SCAPER: variants seen among roughly 807,000 people sequenced by gnomAD.
SCAPER encodes S-phase cyclin A associated protein in the ER, also known as S phase cyclin A-associated protein in the endoplasmic reticulum.
SCAPER carries 98 observed loss-of-function variants against 182.2 expected under a neutral mutation model. The ratio of observed to expected loss-of-function variants is 0.54; its 90% CI spans 0.46 to 0.64. SCAPER has a LOEUF of 0.64. Ranked by LOEUF, SCAPER falls within the 30% of genes least tolerant of loss-of-function variation. The pLI is 0.00. For missense variants in SCAPER, 1,432 were observed against 1,690.0 expected (o/e 0.85, Z 2.68); for synonymous variants, 605 against 564.6 (o/e 1.07, Z -1.01).
intron 21 of SCAPER, among the ~76,000 whole-genome samples, chr15:76,654,274 G>A (rs925008130): frequency 1.3e-5 from 2 of 152,138 alleles, no homozygotes; most frequent in African/African-American, 2.4e-5. Context: ...CGGGCATGGT[G>A]GTGGGCGCCT....
intron 17 of SCAPER, among the ~76,000 whole-genome samples, chr15:76,711,860 G>C (rs2059597382): frequency 6.6e-6 from 1 of 152,074 alleles, no homozygotes; most frequent in Non-Finnish European, 1.5e-5. Flanking sequence ...TGAGTAGGTT[G>C]CAAAAATTTT....
chr15:76,674,154 T>C (rs1453329294), intron 20 of SCAPER, among the ~76,000 whole-genome samples: 1 of 152,120 alleles, frequency 6.6e-6, no homozygotes, highest in African/African-American at 2.4e-5. Context: ...TTACAAATAA[T>C]AAATGAAAAT....
chr15:76,531,953 T>C (rs2043710544), intron 23 of SCAPER, among the ~76,000 whole-genome samples: 1 of 152,214 alleles, frequency 6.6e-6, no homozygotes, highest in African/African-American at 2.4e-5. Context: ...TCTTCTCTGA[T>C]AGAGATGATT....
intron 28 of SCAPER, among the ~76,000 whole-genome samples, chr15:76,377,362 A>T (rs533416489): frequency 4.8e-4 from 72 of 150,536 alleles, no homozygotes; most frequent in Non-Finnish European, 6.4e-4. Flanking sequence ...TGCTCCTTTA[A>T]ATCAAGCAGT....
chr15:76,793,066 G>A (rs1345438231), intron 8 of SCAPER, among the ~76,000 whole-genome samples: 2 of 152,052 alleles, frequency 1.3e-5, no homozygotes, highest in Non-Finnish European at 2.9e-5. Flanking sequence ...TTTTCCTTAA[G>A]TCCAATTTCT....
At chr15:76,779,745 A>T (rs902011448) in intron 8 of SCAPER, among the ~76,000 whole-genome samples, 4 of 152,192 alleles carry the variant, frequency 2.6e-5, no homozygotes, top group African/African-American at 7.2e-5. Context: ...AAAAAAATTA[A>T]ATGACTTACC....
intron 20 of SCAPER, among the ~76,000 whole-genome samples, chr15:76,672,231 G>A (rs1011742485): frequency 4.6e-5 from 7 of 152,180 alleles, no homozygotes; most frequent in Admixed American, 2.6e-4. Context: ...GTATAAGAGG[G>A]ATCTCTATGA....
intron 2 of SCAPER, among the ~76,000 whole-genome samples, chr15:76,869,787 CA>C (rs1465203935): frequency 1.3e-5 from 2 of 152,244 alleles, no homozygotes; most frequent in Middle Eastern, 3.4e-3. Context: ...ACTAATATAT[CA>C]AAAAGTTATC....
intron 22 of SCAPER, among the ~76,000 whole-genome samples, chr15:76,619,416 C>T (rs1324055773): frequency 6.6e-6 from 1 of 152,128 alleles, no homozygotes; most frequent in Non-Finnish European, 1.5e-5. Flanking sequence ...TATGTGGGCA[C>T]ATGCTTTCAT....
At chr15:76,368,658 G>A (rs1244499850) in intron 29 of SCAPER, among the ~76,000 whole-genome samples, 1 of 152,174 alleles carries the variant, frequency 6.6e-6, no homozygotes, top group Non-Finnish European at 1.5e-5. Context: ...CTCAATGGGG[G>A]CAAAGGGGTT....
At chr15:76,353,664 A>T (rs996926100) in intron 30 of SCAPER, among the ~76,000 whole-genome samples, 3 of 152,244 alleles carry the variant, frequency 2.0e-5, no homozygotes, top group African/African-American at 7.2e-5. Context: ...GAAGTCTGGC[A>T]GTCTTTTAAA....
At chr15:76,780,794 T>C (rs570163145) in intron 8 of SCAPER, among the ~76,000 whole-genome samples, 1 of 152,286 alleles carries the variant, frequency 6.6e-6, no homozygotes, top group African/African-American at 2.4e-5. Flanking sequence ...GCTGAGGGAC[T>C]TGACTGTCAG....
At chr15:76,645,691 G>T (rs1321851267) in intron 21 of SCAPER, among the ~76,000 whole-genome samples, 1 of 151,956 alleles carries the variant, frequency 6.6e-6, no homozygotes, top group African/African-American at 2.4e-5. Flanking sequence ...TCATAAAAGG[G>T]TTATTTATAT....
chr15:76,716,977 T>C (rs1285783074), intron 17 of SCAPER, among the ~76,000 whole-genome samples: 2 of 152,192 alleles, frequency 1.3e-5, no homozygotes, highest in African/African-American at 2.4e-5. Context: ...AGGTACACTA[T>C]AATCAAACTG....
chr15:76,839,960 C>T (rs1005617416), intron 5 of SCAPER, among the ~76,000 whole-genome samples: 2 of 152,202 alleles, frequency 1.3e-5, no homozygotes, highest in South Asian at 2.1e-4. Context: ...AAAAAAGAAA[C>T]TGCTGCTTTG....
intron 23 of SCAPER, among the ~76,000 whole-genome samples, chr15:76,510,968 G>C (rs543537707): frequency 1.3e-5 from 2 of 152,260 alleles, no homozygotes; most frequent in East Asian, 3.9e-4. Flanking sequence ...GGATGGGACT[G>C]GAGACTATTA....
rs111497602 is a variant in SCAPER at position 76,731,463 on chromosome 15, G to T, written c.2022+1766C>A. On this transcript the variant is annotated intron_variant, in intron 16 of 31. Transcript: ENST00000563290. ...GCAGCACTTGGTATTTTACTTACAA[G>T]AAATGAGAATCACAATTGCCTTTAA... Among the ~76,000 whole-genome samples the T allele has an allele frequency of 3.9e-3, 598 of 152,274 alleles. 4 individuals are homozygous for T. The highest frequency in any genetic ancestry group is 0.013 in the African/African-American group (549 of 41,560).
At chr15:76,440,208 C>T (rs2047466467) in intron 25 of SCAPER, among the ~76,000 whole-genome samples, 1 of 152,184 alleles carries the variant, frequency 6.6e-6, no homozygotes, top group African/African-American at 2.4e-5. Flanking sequence ...GGAATAGATA[C>T]TGGTGCCGAT....
chr15:76,656,096 T>G (rs1315511060), intron 21 of SCAPER, among the ~76,000 whole-genome samples: 1 of 151,988 alleles, frequency 6.6e-6, no homozygotes, highest in Non-Finnish European at 1.5e-5. Context: ...TGCCCTCAAT[T>G]AAAAGGTGGA....
Sources: allele counts gnomAD v4.1 joint callset (sites outside exome capture counted in the v4.1 genomes callset), GRCh38; gene constraint gnomAD v4.1.1; transcripts MANE v1.5; gene names NCBI Gene and HGNC (gene_info 2026-07-23, HGNC 2026-07-21).